PTPRS: variants seen among roughly 807,000 people sequenced by gnomAD.
The protein encoded by PTPRS is protein tyrosine phosphatase receptor type S.
In PTPRS, 63 loss-of-function variants were observed where a neutral mutation model predicts 215.3. The ratio of observed to expected loss-of-function variants is 0.29; its 90% CI spans 0.24 to 0.36. PTPRS has a LOEUF of 0.36. Ranked by LOEUF, PTPRS falls within the 10% of genes least tolerant of loss-of-function variation. PTPRS has a pLI of 1.00. For synonymous variants in PTPRS, 1,404 were observed against 1,191.4 expected (o/e 1.18, Z -3.68); for missense variants, 2,258 against 2,825.8 (o/e 0.80, Z 4.56).
chr19:5,308,694 G>C (rs117233096), intron 1 of PTPRS, among the ~76,000 whole-genome samples: 32 of 152,278 alleles, frequency 2.1e-4, no homozygotes, highest in African/African-American at 7.0e-4. Flanking sequence ...GGCAGCCTTG[G>C]GGGTAGGGGA....
intron 8 of PTPRS, among the ~76,000 whole-genome samples, chr19:5,256,989 G>C (rs943839662): frequency 4.0e-5 from 6 of 151,816 alleles, no homozygotes; most frequent in Non-Finnish European, 8.8e-5. Flanking sequence ...ATTACACAGC[G>C]CTAACTGGGG....
At position 5,244,301 on chromosome 19, in the gene PTPRS, G is replaced by A. The variant is rs755110409; in HGVS notation, c.1170C>T (p.Gly390=). The A allele has an allele frequency of 4.3e-6, 7 of 1,614,132 alleles. No homozygotes were observed. The highest frequency in any genetic ancestry group is 3.3e-5 in the South Asian group (3 of 91,086). Residue 390 remains glycine (G), a synonymous_variant, in exon 11 of 38, where the codon GGC becomes GGT. Coordinates refer to ENST00000262963, the MANE Select transcript of PTPRS (RefSeq NM_002850.4). The surrounding 1 kb of genome is among the most constrained non-coding windows in gnomAD (Gnocchi z 7.2). Reference sequence around the variant, plus strand: ...CGTACTCCGAGTTGGGGCTCAGGCCGCCGATGCTGTAACGTGTGGTGGTGA... The same window carrying A: ...CGTACTCCGAGTTGGGGCTCAGGCCACCGATGCTGTAACGTGTGGTGGTGA... ...EDITTTRYSI[G]GLSPNSEYEI...
At chr19:5,242,007 G>A (rs998115734) in intron 11 of PTPRS, among the ~76,000 whole-genome samples, 3 of 151,894 alleles carry the variant, frequency 2.0e-5, no homozygotes, top group African/African-American at 4.8e-5. Context: ...GGCTAATTTT[G>A]TATTTTTGGT....
At chr19:5,279,776 G>A (rs914189368) in intron 2 of PTPRS, among the ~76,000 whole-genome samples, 4 of 152,090 alleles carry the variant, frequency 2.6e-5, no homozygotes, top group African/African-American at 4.8e-5. Context: ...TTCACCTCCC[G>A]GATTCACGCC....
chr19:5,228,120 T>C (rs2042665064), intron 16 of PTPRS, among the ~76,000 whole-genome samples: 1 of 151,772 alleles, frequency 6.6e-6, no homozygotes, highest in South Asian at 2.1e-4. Context: ...TCCCTCTAGA[T>C]CCAGTGTGGG....
intron 2 of PTPRS, among the ~76,000 whole-genome samples, chr19:5,276,991 G>C (rs922173817): frequency 6.6e-6 from 1 of 151,498 alleles, no homozygotes; most frequent in African/African-American, 2.4e-5. Context: ...CTAGATTTCC[G>C]GTCACAGTAC....
chr19:5,208,758 C>T (rs1407852966), intron 35 of PTPRS, among the ~76,000 whole-genome samples: 1 of 152,078 alleles, frequency 6.6e-6, no homozygotes, highest in Non-Finnish European at 1.5e-5. Context: ...TCATCCTCAC[C>T]ACTTCTTGCC....
intron 1 of PTPRS, among the ~76,000 whole-genome samples, chr19:5,322,046 G>A (rs1401152158): frequency 6.6e-6 from 1 of 152,236 alleles, no homozygotes; most frequent in Non-Finnish European, 1.5e-5. Context: ...CTGAGGCTCA[G>A]AGAGGTTTCA....
chr19:5,292,379 G>A (rs888708555), intron 1 of PTPRS, among the ~76,000 whole-genome samples: 1 of 152,172 alleles, frequency 6.6e-6, no homozygotes, highest in African/African-American at 2.4e-5. Context: ...TGGGGGTGAG[G>A]CTCTGGAAGG....
chr19:5,252,838 A>G (rs1385633025), intron 9 of PTPRS, among the ~76,000 whole-genome samples: 1 of 140,618 alleles, frequency 7.1e-6, no homozygotes, highest in Non-Finnish European at 1.5e-5. Context: ...ACGTCAATGC[A>G]CTCCAGCCTG....
At chr19:5,317,255 T>C (rs111894737) in intron 1 of PTPRS, among the ~76,000 whole-genome samples, 6,167 of 152,136 alleles carry the variant, frequency 0.041, 158 homozygotes, top group Middle Eastern at 0.075. Context: ...GTGGATTACT[T>C]GAGGTCAAGA....
In PTPRS at chr19:5,243,988, C is replaced by T. The variant is rs144686472; in HGVS notation, c.1483G>A (p.Glu495Lys). The T allele has an allele frequency of 1.2e-4, 196 of 1,602,660 alleles. No homozygotes were observed. The highest frequency in any genetic ancestry group is 1.7e-4 in the Middle Eastern group (1 of 6,050). ...LTTVGSLLED[E>K]TYTVRVLAFT... is the part of the protein sequence containing the mutation. ...GCGAGCACCCGCACGGTGTAGGTCT[C>T]GTCCTCCAGCAGGCTGCCCACGGTG... Residue 495 changes from glutamate to lysine, a missense_variant, in exon 11 of 38, where the codon GAG becomes AAG. Coordinates refer to ENST00000262963, the MANE Select transcript of PTPRS (RefSeq NM_002850.4).
In PTPRS at chr19:5,333,313, A is replaced by T. The variant is rs1173707465; in HGVS notation, c.-95+7351T>A. 8.5e-5 allele frequency among the ~76,000 whole-genome samples: 10 copies of T among 118,292 alleles called. No homozygotes were observed. In the East Asian group the frequency reaches 1.3e-3, roughly 15 times the overall value. 77.6% of individuals were successfully genotyped at this position (118,292 alleles called of 152,430 possible). A position where few individuals can be genotyped will look rare whatever the true frequency, so the allele number is the denominator to read the frequency against. On this transcript the variant is annotated intron_variant, in intron 1 of 37. Coordinates refer to ENST00000262963, the MANE Select transcript of PTPRS (RefSeq NM_002850.4). ...TGGTGAAACCCATCTCTACAAAAAA[A>T]AAATAAATAAATAATAATAATAATA...
In PTPRS at chr19:5,206,060, T is replaced by TAAAAAAAA. The variant is rs545658474; in HGVS notation, c.*706_*713dup. On this transcript the variant is annotated 3_prime_UTR_variant, in exon 38 of 38. Coordinates refer to ENST00000262963, the MANE Select transcript of PTPRS (RefSeq NM_002850.4). Reference sequence around the variant, plus strand: ...CACACTTTCTGATGGTAGGAAAAATTAAAAAAAAAAAAAAAAAAAAAAAAG... The same window carrying TAAAAAAAA: ...CACACTTTCTGATGGTAGGAAAAATTAAAAAAAAAAAAAAAAAAAAAAAAAAAAAAAAG... Among the ~76,000 whole-genome samples the TAAAAAAAA allele has an allele frequency of 2.8e-5, 2 of 70,254 alleles. No homozygotes were observed. Among genetic ancestry groups the TAAAAAAAA allele is most frequent in the Non-Finnish European group, 5.7e-5 (2 of 34,802 alleles). The allele number at this position is 70,254 out of a possible 152,430, so 46.1% of individuals were successfully genotyped here. A position where few individuals can be genotyped will look rare whatever the true frequency, so the allele number is the denominator to read the frequency against.
chr19:5,230,347 G>T (rs1265865476), intron 14 of PTPRS, among the ~76,000 whole-genome samples: 1 of 152,236 alleles, frequency 6.6e-6, no homozygotes, highest in Non-Finnish European at 1.5e-5. Context: ...ACCTAGGCTG[G>T]CATGCAGTGG....
At chr19:5,282,638 A>G (rs553623174) in intron 2 of PTPRS, among the ~76,000 whole-genome samples, 2 of 152,124 alleles carry the variant, frequency 1.3e-5, no homozygotes, top group Admixed American at 6.5e-5. Flanking sequence ...CCCCATCTCT[A>G]CCAAAAATAC....
intron 14 of PTPRS, 103 bp downstream of exon 14, chr19:5,231,207 C>G: frequency 1.6e-6 from 2 of 1,265,992 alleles, no homozygotes; most frequent in Non-Finnish European, 1.1e-6. Context: ...CCGAGTGAGG[C>G]TTCCGCCCTT....
intron 1 of PTPRS, among the ~76,000 whole-genome samples, chr19:5,305,238 A>G (rs1477295122): frequency 6.6e-6 from 1 of 152,152 alleles, no homozygotes; most frequent in African/African-American, 2.4e-5. Context: ...CACACTTACT[A>G]AATTCTCCTC....
At chr19:5,288,724 G>A (rs2048567005) in intron 1 of PTPRS, among the ~76,000 whole-genome samples, 1 of 152,208 alleles carries the variant, frequency 6.6e-6, no homozygotes, top group Admixed American at 6.5e-5. Flanking sequence ...GCATGGGTAG[G>A]AGTCACTTGC....
Sources: gnomAD v4.1 joint callset for allele counts (sites outside exome capture counted in the v4.1 genomes callset) on GRCh38, gnomAD v4.1.1 for gene constraint, Gnocchi (gnomAD v3.1) non-coding constraint, MANE v1.5 for transcripts, NCBI Gene and HGNC (gene_info 2026-07-23, HGNC 2026-07-21) for gene names.